The following ASPM variants were observed in gnomAD, a reference collection of about 807,000 sequenced individuals.
ASPM encodes assembly factor for spindle microtubules.
In ASPM, 256 loss-of-function variants were observed where a neutral mutation model predicts 366.4. The ratio of observed to expected loss-of-function variants is 0.70; its 90% CI spans 0.63 to 0.77. The LOEUF is 0.77. Ranked by LOEUF, ASPM falls within the 30% of genes least tolerant of loss-of-function variation. The pLI, the probability that ASPM is intolerant of heterozygous loss-of-function variation, is 0.00. For missense variants in ASPM, 4,146 were observed against 4,090.4 expected, an observed-to-expected ratio of 1.01 and a Z score of -0.37; for synonymous variants, 1,414 against 1,342.9, an observed-to-expected ratio of 1.05 and a Z score of -1.16.
At chr1:197,098,490 ATTG>A (rs955723424) in intron 18 of ASPM, among the ~76,000 whole-genome samples, 4 of 151,722 alleles carry the variant, frequency 2.6e-5, no homozygotes, top group Non-Finnish European at 5.9e-5. Context: ...TTTTTATAAG[ATTG>A]TTATTTTGGC....
In ASPM at chr1:197,102,177, T is replaced by C. The variant is rs587783262; in HGVS notation, c.7074A>G (p.Lys2358=). 7.8e-5 allele frequency: 126 copies of C among 1,612,706 alleles called. No individual in the cohort carries two copies. Among genetic ancestry groups the C allele is most frequent in the Non-Finnish European group, 1.0e-4 (118 of 1,179,288 alleles). Residue 2358 remains lysine, a synonymous_variant, in exon 18 of 28, where the codon AAA becomes AAG. Transcript: ENST00000367409. ...GCTGTTGGATCACAACGGAGGCCTGTTTCAAAGCCTGATATCTCATATGTA... is the reference window on the plus strand; with the variant it reads ...GCTGTTGGATCACAACGGAGGCCTGCTTCAAAGCCTGATATCTCATATGTA... ...HRLHMRYQAL[K]QASVVIQQQY...
intron 20 of ASPM, among the ~76,000 whole-genome samples, 188 bp from the exon 21 acceptor site, chr1:197,093,449 G>C (rs1656853859): frequency 6.6e-6 from 1 of 151,790 alleles, no homozygotes; most frequent in African/African-American, 2.4e-5. Context: ...TAGCCAAGAT[G>C]AAGGTGTAAG....
chr1:197,095,298 G>A (rs188797448), intron 19 of ASPM, among the ~76,000 whole-genome samples: 1 of 151,578 alleles, frequency 6.6e-6, no homozygotes, highest in African/African-American at 2.4e-5. Flanking sequence ...ATCTTCATGC[G>A]ATCAACTGTA....
chr1:197,139,232 G>A (rs890868505), intron 4 of ASPM: 6 of 921,176 alleles, frequency 6.5e-6, no homozygotes, highest in Non-Finnish European at 1.1e-5. Flanking sequence ...CCCAAGGCTA[G>A]TGACGGCCTC....
Position 197,143,534 on chromosome 1 carries a change from A to AGAG in ASPM, c.715_717dup (p.Leu239dup). The AGAG allele has an allele frequency of 6.2e-7, 1 of 1,613,922 alleles. No individual in the cohort carries two copies. Among genetic ancestry groups the AGAG allele is most frequent in the South Asian group, 1.1e-5 (1 of 91,082 alleles). On this transcript the variant is annotated inframe_insertion, in exon 3 of 28. Transcript: ENST00000367409. Reference sequence around the variant, plus strand: ...GAGTAGGTAGTAGATCGACGTACAGAGAGTGGCAAGCAAGTTGCACCATGG... The same window carrying AGAG: ...GAGTAGGTAGTAGATCGACGTACAGAGAGGAGTGGCAAGCAAGTTGCACCATGG...
rs1160186494 is a variant in ASPM at position 197,100,456 on chromosome 1, AT to A, written c.8794del (p.Ile2932LeufsTer6). On this transcript the variant is annotated frameshift_variant, in exon 18 of 28. Coordinates refer to ENST00000367409, the MANE Select transcript of ASPM (RefSeq NM_018136.5). LOFTEE classifies it high-confidence loss of function. ...CTGAATTTTTATGGTGCTATTTTTA[AT>A]TTCCTGAAACTTCCGTTTCTGTATA... ...GFIQKRKFQE[I>X]KNSTIKIQAM... 3.8e-6 allele frequency: 6 copies of A among 1,564,158 alleles called. No individual in the cohort carries two copies. Among genetic ancestry groups the A allele is most frequent in the Non-Finnish European group, 5.2e-6 (6 of 1,154,726 alleles).
intron 16 of ASPM, among the ~76,000 whole-genome samples, chr1:197,121,152 A>G (rs1657895832): frequency 6.6e-6 from 1 of 152,168 alleles, no homozygotes; most frequent in Non-Finnish European, 1.5e-5. Context: ...TGGTTTTCCA[A>G]ATAAATAAAC....
intron 16 of ASPM, among the ~76,000 whole-genome samples, chr1:197,119,093 A>T (rs1340117150): frequency 6.6e-6 from 1 of 152,218 alleles, no homozygotes; most frequent in East Asian, 1.9e-4. Flanking sequence ...GGAAATAATC[A>T]AACTGTTATT....
rs777438934 is a variant in ASPM, at chr1:197,102,838, G to C, written c.6413C>G (p.Thr2138Arg). 6.2e-7 allele frequency: 1 copy of C among 1,612,194 alleles called. No individual in the cohort carries two copies. Among genetic ancestry groups the C allele is most frequent in the Non-Finnish European group, 8.5e-7 (1 of 1,179,200 alleles). Residue 2138 changes from threonine to arginine, a missense_variant, in exon 18 of 28, where the codon ACA becomes AGA. Coordinates refer to ENST00000367409, the MANE Select transcript of ASPM (RefSeq NM_018136.5). Reference protein sequence around the residue: ...KMHQSRISYHTMRKAAIVIQV... With the variant: ...KMHQSRISYHRMRKAAIVIQV... ...AATAACAATAGCTGCTTTTCTCATT[G>C]TATGGTAACTTATTCTTGACTGATG... is the stretch of plus-strand genomic sequence containing the variant.
At chr1:197,117,423 T>C (rs1657768588) in intron 17 of ASPM, among the ~76,000 whole-genome samples, 1 of 152,104 alleles carries the variant, frequency 6.6e-6, no homozygotes, top group Non-Finnish European at 1.5e-5. Flanking sequence ...TGTGTACAGT[T>C]GTCCCAAAGA....
chr1:197,128,986 G>T (rs530808141), intron 9 of ASPM, among the ~76,000 whole-genome samples: 54 of 152,226 alleles, frequency 3.5e-4, no homozygotes, highest in African/African-American at 1.2e-3. Context: ...ATGATAATGT[G>T]CTGATGAAAG....
In ASPM at chr1:197,104,141, C is replaced by T; in HGVS notation, c.5110G>A (p.Ala1704Thr). The change falls in exon 18 of 28, where the codon GCT becomes ACT. Residue 1704 changes from alanine (A) to threonine (T), a missense_variant. Coordinates refer to ENST00000367409, the MANE Select transcript of ASPM (RefSeq NM_018136.5). Reference sequence around the variant, plus strand: ...TAACATTGCTGGATAAATAGTGCAGCTGCTCTTAAATGCAAATATTGTTTA... The same window carrying T: ...TAACATTGCTGGATAAATAGTGCAGTTGCTCTTAAATGCAAATATTGTTTA... ...TRKQYLHLRA[A>T]ALFIQQCYRS... The T allele has an allele frequency of 6.2e-7, 1 of 1,612,914 alleles. No individual in the cohort carries two copies. The highest frequency in any genetic ancestry group is 8.5e-7 in the Non-Finnish European group (1 of 1,179,394).
At position 197,101,345 on chromosome 1, in the gene ASPM, T is replaced by C. The variant is rs753783816; in HGVS notation, c.7906A>G (p.Lys2636Glu). Residue 2636 changes from lysine (K) to glutamate (E), a missense_variant, in exon 18 of 28, where the codon AAA becomes GAA. Lys to Glu is a moderately conservative substitution (Grantham distance 56). Transcript: ENST00000367409. ...QAAIIIQKHCKAFKIRKHYLH... is the reference protein window; with the variant it reads ...QAAIIIQKHCEAFKIRKHYLH... ...TAATGCTTCCTTATTTTAAAGGCTT[T>C]ACAATGCTTCTGAATAATAATGGCA... The C allele has an allele frequency of 8.7e-6, 14 of 1,610,934 alleles. No homozygotes were observed. The South Asian group carries it at 1.1e-4, about 13-fold the overall frequency.
At chr1:197,132,553 T>C (rs1326105331) in intron 6 of ASPM, among the ~76,000 whole-genome samples, 1 of 152,078 alleles carries the variant, frequency 6.6e-6, no homozygotes, top group Admixed American at 6.5e-5. Context: ...AGCTAAAGCA[T>C]GTATACCTAG....
At chr1:197,110,730 G>A (rs1268994804) in intron 17 of ASPM, among the ~76,000 whole-genome samples, 1 of 151,908 alleles carries the variant, frequency 6.6e-6, no homozygotes, top group Non-Finnish European at 1.5e-5. Context: ...ACTAGAAACA[G>A]AATCACACAT....
chr1:197,121,806 T>A (rs997430926), intron 16 of ASPM, 109 bp downstream of exon 16: 1 of 1,337,658 alleles, frequency 7.5e-7, no homozygotes, highest in African/African-American at 1.5e-5. Flanking sequence ...ACTAAATTTA[T>A]CTTAATAATG....
intron 10 of ASPM, among the ~76,000 whole-genome samples, chr1:197,126,612 A>G (rs1658100164): frequency 6.6e-6 from 1 of 152,186 alleles, no homozygotes; most frequent in African/African-American, 2.4e-5. Flanking sequence ...AAACAAATTA[A>G]CCAACTAAAA....
chr1:197,139,451 G>C (rs896903514), intron 4 of ASPM: 49 of 553,398 alleles, frequency 8.9e-5, no homozygotes, highest in Non-Finnish European at 1.5e-4. Context: ...AAAAAAATTA[G>C]CCGGGCATGG....
At position 197,103,276 on chromosome 1, in the gene ASPM, A is replaced by G. The variant is rs1181251444; in HGVS notation, c.5975T>C (p.Ile1992Thr). The change falls in exon 18 of 28, where the codon ATC becomes ACC. Residue 1992 changes from isoleucine to threonine, a missense_variant. Ile to Thr is a moderately conservative substitution (Grantham distance 89). Transcript: ENST00000367409. ...RMHVQQKKWKIMKKAALLIQK... is the reference protein window; with the variant it reads ...RMHVQQKKWKTMKKAALLIQK... ...AATCAGAAGAGCAGCTTTTTTCATG[A>G]TTTTCCACTTCTTTTGTTGCACATG... The G allele has an allele frequency of 1.2e-6, 2 of 1,612,758 alleles. No homozygotes were observed. Among genetic ancestry groups the G allele is most frequent in the African/African-American group, 2.7e-5 (2 of 74,762 alleles).
Sources: allele counts gnomAD v4.1 joint callset (sites outside exome capture counted in the v4.1 genomes callset), GRCh38; gene constraint gnomAD v4.1.1; transcripts MANE v1.5; gene names NCBI Gene and HGNC (gene_info 2026-07-23, HGNC 2026-07-21).